Variants in NETO1 observed in about 807,000 individuals in gnomAD.
NETO1 encodes the protein neuropilin and tolloid-like protein 1.
In NETO1, 26 loss-of-function variants were observed where a neutral mutation model predicts 61.3. The ratio of observed to expected loss-of-function variants is 0.42; its 90% CI spans 0.31 to 0.59. The LOEUF is 0.59. Among genes scored for constraint, NETO1 ranks in the 20% least tolerant of loss-of-function variants. The pLI is 0.12. For synonymous variants in NETO1, 225 were observed against 225.8 expected (o/e 1.00, Z 0.03); for missense variants, 531 against 662.8 (o/e 0.80, Z 2.18).
At chr18:72,847,587 T>C (rs2074127122) in intron 4 of NETO1, among the ~76,000 whole-genome samples, 1 of 152,128 alleles carries the variant, frequency 6.6e-6, no homozygotes, top group Non-Finnish European at 1.5e-5. Flanking sequence ...TCTGTTGGGG[T>C]TTTAGCCATA....
chr18:72,859,190 T>C, intron 3 of NETO1, 116 bp from the exon 4 acceptor site: 1 of 994,386 alleles, frequency 1.0e-6, no homozygotes, highest in Non-Finnish European at 1.5e-6. Context: ...ATGGATGATA[T>C]GCATAGAAAT....
intron 9 of NETO1, 39 bp downstream of exon 9, chr18:72,750,023 C>T (rs778923102): frequency 1.8e-4 from 253 of 1,404,072 alleles, no homozygotes; most frequent in Non-Finnish European, 2.4e-4. Context: ...TTTCAGTCTT[C>T]AGGTTATAGT....
chr18:72,822,450 C>A (rs1011523738), intron 4 of NETO1, among the ~76,000 whole-genome samples: 1 of 152,188 alleles, frequency 6.6e-6, no homozygotes, highest in East Asian at 1.9e-4. Context: ...CCCGTCCCCC[C>A]GCAGGACGTG....
At chr18:72,835,523 A>G (rs944204044) in intron 4 of NETO1, among the ~76,000 whole-genome samples, 3 of 152,230 alleles carry the variant, frequency 2.0e-5, no homozygotes, top group African/African-American at 4.8e-5. Flanking sequence ...TGAGGTAGAA[A>G]GCTAAGACAT....
intron 7 of NETO1, among the ~76,000 whole-genome samples, chr18:72,757,927 T>C (rs1347764932): frequency 6.6e-6 from 1 of 152,158 alleles, no homozygotes; most frequent in African/African-American, 2.4e-5. Flanking sequence ...AAAATACTTA[T>C]TACCTAACAA....
At chr18:72,767,585 C>G (rs1444103743) in intron 7 of NETO1, among the ~76,000 whole-genome samples, 1 of 152,098 alleles carries the variant, frequency 6.6e-6, no homozygotes, top group East Asian at 1.9e-4. Context: ...CATGTCTGTA[C>G]ACATAATACT....
chr18:72,777,317 C>T (rs1221358980), intron 7 of NETO1, among the ~76,000 whole-genome samples: 1 of 151,596 alleles, frequency 6.6e-6, no homozygotes, highest in Non-Finnish European at 1.5e-5. Flanking sequence ...ACTTGGGAGG[C>T]TGAGGCAGGA....
Position 72,750,462 on chromosome 18 carries a change from G to T in NETO1, c.1141C>A (p.Gln381Lys), listed in dbSNP as rs574949796. ...KYVQRKSDFDQTVFQEVFEPP... is the reference protein window; with the variant it reads ...KYVQRKSDFDKTVFQEVFEPP... The stretch of plus-strand genomic sequence containing the variant: ...TCAAATACCTCCTGGAAAACTGTCT[G>T]GTCAAAGTCTGATTTCCTTTGGACA... The change falls in exon 9 of 11, where the codon CAG becomes AAG. Residue 381 changes from glutamine (Q) to lysine (K), a missense_variant. Gln to Lys is a moderately conservative substitution (Grantham distance 53). Transcript: ENST00000327305. 1 of 1,614,076 alleles carries T rather than the reference G, an allele frequency of 6.2e-7. No individual in the cohort carries two copies. Among genetic ancestry groups the T allele is most frequent in the Non-Finnish European group, 8.5e-7 (1 of 1,180,008 alleles).
intron 7 of NETO1, among the ~76,000 whole-genome samples, chr18:72,782,705 G>A (rs184986752): frequency 3.9e-5 from 6 of 152,198 alleles, no homozygotes; most frequent in Non-Finnish European, 8.8e-5. Context: ...TCAGGAGGCC[G>A]AGGCAGGAGA....
At chr18:72,844,957 T>A (rs577311084) in intron 4 of NETO1, among the ~76,000 whole-genome samples, 122 of 152,314 alleles carry the variant, frequency 8.0e-4, no homozygotes, top group South Asian at 1.9e-3. Context: ...TAACGTGACA[T>A]CAAGTGTTAC....
At chr18:72,751,133 C>A (rs546262189) in intron 8 of NETO1, among the ~76,000 whole-genome samples, 1 of 151,446 alleles carries the variant, frequency 6.6e-6, no homozygotes, top group Non-Finnish European at 1.5e-5. Context: ...TCAATTCAAT[C>A]TGAAGACACA....
At chr18:72,855,360 A>G (rs1220666486) in intron 4 of NETO1, among the ~76,000 whole-genome samples, 1 of 152,144 alleles carries the variant, frequency 6.6e-6, no homozygotes, top group Non-Finnish European at 1.5e-5. Flanking sequence ...CAATCTCACA[A>G]TCCTTCTTAT....
rs768013789 is a variant in NETO1 at position 72,744,328 on chromosome 18, G to A, written c.*3851C>T. ...AATTGTAAATTAACAAAGGGCCTCA[G>A]ATTTATTTAGCAGGATTATTTATAA... On this transcript the variant is annotated 3_prime_UTR_variant, in exon 11 of 11. Transcript: ENST00000327305. The A allele has an allele frequency of 2.6e-5, 4 of 152,154 alleles. No homozygotes were observed. In the South Asian group the frequency reaches 8.3e-4, roughly 31 times the overall value. The allele number at this position is 152,154 out of a possible 1,614,324, so 9.4% of individuals were successfully genotyped here.
intron 4 of NETO1, among the ~76,000 whole-genome samples, chr18:72,851,273 T>C (rs1340880868): frequency 2.0e-5 from 3 of 152,070 alleles, no homozygotes; most frequent in African/African-American, 7.2e-5. Context: ...TAGCCTGGCG[T>C]GGTGGCGCAT....
In NETO1 at chr18:72,750,143, G is replaced by C. The variant is rs17086286; in HGVS notation, c.1460C>G (p.Ala487Gly). The change falls in exon 9 of 11, where the codon GCA becomes GGA. Residue 487 changes from alanine (A) to glycine (G), a missense_variant. Transcript: ENST00000327305. ...VMKHSYSQDA[A>G]DACDIDEIEE... ...GATTTCATCTATGTCACAGGCATCT[G>C]CAGCATCTTGCGAGTAGCTGTGTTT... The C allele has an allele frequency of 3.2e-3, 5,209 of 1,613,800 alleles. 155 individuals are homozygous for C. In the African/African-American group the frequency reaches 0.063, roughly 20 times the overall value.
intron 3 of NETO1, among the ~76,000 whole-genome samples, chr18:72,863,309 GCC>G (rs1430964153): frequency 1.3e-5 from 2 of 152,164 alleles, no homozygotes; most frequent in Admixed American, 6.6e-5. Flanking sequence ...AGAGAATAAT[GCC>G]TTCCCTGGAC....
intron 4 of NETO1, chr18:72,834,783 T>A (rs1458741141): frequency 3.0e-6 from 3 of 984,954 alleles, no homozygotes; most frequent in Non-Finnish European, 3.6e-6. Context: ...TCCATGGCGA[T>A]AAGAAACTAA....
In NETO1 at chr18:72,843,365, C is replaced by A. The variant is rs1356743540; in HGVS notation, c.469+15461G>T. ...CGAATAGAAAAAAAGTTACTCTTTT[C>A]TCTACCACCCTCCTTTTTAAAAGCT... On this transcript the variant is annotated intron_variant, in intron 4 of 10. Coordinates refer to ENST00000327305, the MANE Select transcript of NETO1 (RefSeq NM_138966.5). Among the ~76,000 whole-genome samples the A allele has an allele frequency of 2.6e-5, 4 of 152,184 alleles. No homozygotes were observed. The East Asian group carries it at 7.7e-4, about 29-fold the overall frequency.
At chr18:72,775,921 C>T (rs2071532207) in intron 7 of NETO1, among the ~76,000 whole-genome samples, 1 of 151,996 alleles carries the variant, frequency 6.6e-6, no homozygotes, top group African/African-American at 2.4e-5. Flanking sequence ...CTCTTCTAAC[C>T]CCTAAAAATA....
Sources: allele counts gnomAD v4.1 joint callset (sites outside exome capture counted in the v4.1 genomes callset), GRCh38; gene constraint gnomAD v4.1.1; transcripts MANE v1.5; gene names NCBI Gene and HGNC (gene_info 2026-07-23, HGNC 2026-07-21).